The following CHD1L variants were observed in gnomAD, a reference collection of about 807,000 sequenced individuals.
The protein encoded by CHD1L is ATP-dependent chromatin remodeler CHD1L.
In CHD1L, 118 loss-of-function variants were observed where a neutral mutation model predicts 115.9. The ratio of observed to expected loss-of-function variants is 1.02; its 90% confidence interval spans 0.88 to 1.19. The LOEUF (loss-of-function observed/expected upper bound fraction) is 1.19. CHD1L is among the 50% of genes most tolerant of loss of function. The pLI, the probability that CHD1L is intolerant of heterozygous loss-of-function variation, is 0.00. For synonymous variants in CHD1L, 411 were observed against 387.1 expected, an observed-to-expected ratio of 1.06 and a Z score of -0.72; for missense variants, 1,179 against 1,065.3, an observed-to-expected ratio of 1.11 and a Z score of -1.49.
chr1:147,274,860 T>G (rs1553956204), intron 12 of CHD1L, among the ~76,000 whole-genome samples: 1 of 152,154 alleles, frequency 6.6e-6, no homozygotes, highest in Non-Finnish European at 1.5e-5. Context: ...CTCAGGAGTA[T>G]AATATCATCC....
intron 5 of CHD1L, chr1:147,259,524 G>A (rs2102464111): frequency 4.7e-6 from 1 of 211,914 alleles, no homozygotes; most frequent in East Asian, 1.1e-4. Flanking sequence ...AACACATAAA[G>A]CCCTGAGGTT....
Position 147,264,409 on chromosome 1 carries a change from T to G in CHD1L, c.577-13T>G, listed in dbSNP as rs782181710. The stretch of plus-strand genomic sequence containing the variant: ...GTTATGGAATTTTTATTTTATTTAT[T>G]TATGTATTTGAGTTCTCAGTAGTCT... On this transcript the variant is annotated splice_polypyrimidine_tract_variant and intron_variant, in intron 6 of 22. Coordinates refer to ENST00000369258, the MANE Select transcript of CHD1L (RefSeq NM_004284.6). The G allele has an allele frequency of 7.7e-6, 12 of 1,564,458 alleles. No homozygotes were observed. Among genetic ancestry groups the G allele is most frequent in the South Asian group, 2.4e-5 (2 of 84,388 alleles).
intron 19 of CHD1L, among the ~76,000 whole-genome samples, 190 bp downstream of exon 19, chr1:147,287,923 C>T (rs587761201): frequency 2.6e-5 from 4 of 152,340 alleles, no homozygotes; most frequent in African/African-American, 9.6e-5. Context: ...GTACCTGTTT[C>T]CTCATCTGTG....
upstream of CHD1L, among the ~76,000 whole-genome samples, chr1:147,238,494 T>C (rs988970983): frequency 2.6e-5 from 4 of 152,194 alleles, no homozygotes; most frequent in Non-Finnish European, 5.9e-5. Flanking sequence ...TCTTATGGAG[T>C]TGCTGTTGCC....
At chr1:147,252,247 A>C (rs1559739977) in intron 1 of CHD1L, among the ~76,000 whole-genome samples, 1 of 152,198 alleles carries the variant, frequency 6.6e-6, no homozygotes, top group Non-Finnish European at 1.5e-5. Flanking sequence ...ACAAGCAGAC[A>C]CATGTACAAT....
intron 6 of CHD1L, among the ~76,000 whole-genome samples, chr1:147,263,160 G>C (rs1158674768): frequency 6.6e-6 from 1 of 151,946 alleles, no homozygotes; most frequent in Admixed American, 6.6e-5. Context: ...GTAATTACAG[G>C]CTCACACCTG....
At chr1:147,278,360 G>C (rs1553959468) in intron 14 of CHD1L, among the ~76,000 whole-genome samples, 1 of 150,938 alleles carries the variant, frequency 6.6e-6, no homozygotes, top group East Asian at 2.0e-4. Flanking sequence ...GAGTAGCTGG[G>C]ACTACAGGCG....
the CHD1L span, among the ~76,000 whole-genome samples, chr1:147,202,997 T>C: frequency 2.0e-5 from 3 of 152,162 alleles, no homozygotes; most frequent in East Asian, 5.8e-4. Flanking sequence ...TCCCACACCA[T>C]TTTCAAAATG....
intron 11 of CHD1L, among the ~76,000 whole-genome samples, chr1:147,271,899 A>G (rs1358987078): frequency 6.6e-6 from 1 of 152,246 alleles, no homozygotes; most frequent in Non-Finnish European, 1.5e-5. Flanking sequence ...TTGCTTGAGA[A>G]TAGTCAAAAC....
chr1:147,261,058 T>C (rs1571784836), intron 6 of CHD1L: 1 of 152,274 alleles, frequency 6.6e-6, no homozygotes, highest in Non-Finnish European at 1.5e-5. Context: ...GGTCTGAAAG[T>C]TGTAGTTTTT....
the CHD1L span, among the ~76,000 whole-genome samples, chr1:147,174,007 T>C: frequency 6.6e-6 from 1 of 152,246 alleles, no homozygotes; most frequent in Non-Finnish European, 1.5e-5. Context: ...CCAAGTTACA[T>C]AGGCCACCCT....
upstream of CHD1L, among the ~76,000 whole-genome samples, chr1:147,242,432 C>T (rs1301956513): frequency 2.6e-5 from 4 of 152,176 alleles, no homozygotes; most frequent in Non-Finnish European, 5.9e-5. Flanking sequence ...GCAGTTCAGG[C>T]AATCAGACGT....
chr1:147,228,680 T>C, the CHD1L span, among the ~76,000 whole-genome samples: 3 of 152,246 alleles, frequency 2.0e-5, no homozygotes, highest in Admixed American at 6.5e-5. Context: ...TGTTGTTTCC[T>C]GACTTTTTAA....
In CHD1L at chr1:147,285,332, C is replaced by G. The variant is rs1553964639; in HGVS notation, c.1863C>G (p.Ile621Met). ...TCTTGTTCTTCCTCTAGGTTCTCAT[C>G]CCAGGCCTTGTGGAGGGATCTACCA... The part of the protein sequence containing the change: ...RSLRNKGSVL[I>M]PGLVEGSTKR... Residue 621 changes from isoleucine (I) to methionine (M), a missense_variant, in exon 17 of 23, where the codon ATC (isoleucine) becomes ATG (methionine). Ile to Met is a conservative substitution (Grantham distance 10). Transcript: ENST00000369258. 1 of 1,612,038 alleles carries G rather than the reference C, an allele frequency of 6.2e-7. No individual in the cohort carries two copies.
chr1:147,220,377 G>T, the CHD1L span, among the ~76,000 whole-genome samples: 1 of 152,130 alleles, frequency 6.6e-6, no homozygotes, highest in East Asian at 1.9e-4. Flanking sequence ...TTTCCAACTT[G>T]ACCTATAGAT....
the CHD1L span, among the ~76,000 whole-genome samples, chr1:147,236,895 C>A: frequency 2.0e-5 from 3 of 152,222 alleles, no homozygotes; most frequent in Non-Finnish European, 4.4e-5. Context: ...AGCCCAGCCT[C>A]CAGGCTTCAG....
At chr1:147,237,369 C>T in the CHD1L span, among the ~76,000 whole-genome samples, 1 of 152,046 alleles carries the variant, frequency 6.6e-6, no homozygotes, top group African/African-American at 2.4e-5. Context: ...GCTCCAGGAA[C>T]CCAAGAGCAC....
At chr1:147,215,679 T>C in the CHD1L span, 2 of 1,075,760 alleles carry the variant, frequency 1.9e-6, no homozygotes, top group Non-Finnish European at 2.7e-6. Context: ...GAAGTAAACA[T>C]TGGTAACTGA....
the CHD1L span, chr1:147,204,139 C>G: frequency 9.3e-7 from 1 of 1,069,622 alleles, no homozygotes; most frequent in Non-Finnish European, 1.5e-6. Flanking sequence ...TTAAATTCAT[C>G]AATTCTTCAT....
Sources: gnomAD v4.1 joint callset for allele counts (sites outside exome capture counted in the v4.1 genomes callset) on GRCh38, gnomAD v4.1.1 for gene constraint, MANE v1.5 for transcripts, NCBI Gene and HGNC (gene_info 2026-07-23, HGNC 2026-07-21) for gene names.